Variants in CD247 observed in about 807,000 individuals in gnomAD.
CD247 encodes the protein T-cell surface glycoprotein CD3 zeta chain.
In CD247, 13 loss-of-function variants were observed where a neutral mutation model predicts 30.0. The observed-to-expected ratio is 0.43, with a 90% confidence interval of 0.28 to 0.69. The LOEUF (loss-of-function observed/expected upper bound fraction) is 0.69. Among genes scored for constraint, CD247 ranks in the 30% least tolerant of loss-of-function variants. The pLI is 0.16. For synonymous variants in CD247, 72 were observed against 80.0 expected, an observed-to-expected ratio of 0.90 and a Z score of 0.53; for missense variants, 193 against 212.6, an observed-to-expected ratio of 0.91 and a Z score of 0.57.
At chr1:167,441,429 G>C (rs980113395) in intron 1 of CD247, among the ~76,000 whole-genome samples, 27 of 152,100 alleles carry the variant, frequency 1.8e-4, no homozygotes, top group African/African-American at 6.5e-4. Flanking sequence ...CCTAGGCCCA[G>C]CATCTCCCTG....
At chr1:167,517,354 C>G (rs558641860) in intron 1 of CD247, among the ~76,000 whole-genome samples, 2 of 152,338 alleles carry the variant, frequency 1.3e-5, no homozygotes, top group East Asian at 3.9e-4. Context: ...CAGGAGCGAT[C>G]AGGTGGGCCG....
At chr1:167,458,278 C>G (rs1021947948) in intron 1 of CD247, among the ~76,000 whole-genome samples, 1 of 152,252 alleles carries the variant, frequency 6.6e-6, no homozygotes, top group Admixed American at 6.5e-5. Context: ...CTGCTGTCCC[C>G]ACGTGCCTAG....
chr1:167,502,405 TG>T (rs1230540835), intron 1 of CD247, among the ~76,000 whole-genome samples: 1 of 152,200 alleles, frequency 6.6e-6, no homozygotes, highest in Non-Finnish European at 1.5e-5. Context: ...GCAAGGGACT[TG>T]TTACACTGTG....
intron 1 of CD247, among the ~76,000 whole-genome samples, chr1:167,483,112 A>C (rs535006654): frequency 6.6e-6 from 1 of 151,632 alleles, no homozygotes; most frequent in Non-Finnish European, 1.5e-5. Context: ...GGGTTCAAGC[A>C]ATTCTCCTGC....
At chr1:167,472,986 G>T (rs1653593491) in intron 1 of CD247, among the ~76,000 whole-genome samples, 1 of 152,102 alleles carries the variant, frequency 6.6e-6, no homozygotes, top group Non-Finnish European at 1.5e-5. Flanking sequence ...CTGCCCACCT[G>T]CTCCTCTGGC....
chr1:167,463,847 G>A (rs1280650254), intron 1 of CD247, among the ~76,000 whole-genome samples: 1 of 152,184 alleles, frequency 6.6e-6, no homozygotes, highest in East Asian at 1.9e-4. Context: ...TTTTCTGTGA[G>A]TACCGTGTCC....
chr1:167,507,568 T>C (rs964448256), intron 1 of CD247, among the ~76,000 whole-genome samples: 3 of 152,198 alleles, frequency 2.0e-5, no homozygotes, highest in Admixed American at 6.5e-5. Flanking sequence ...GCGTGGTGGC[T>C]TATTCCTGTA....
At chr1:167,499,978 C>T (rs1463793783) in intron 1 of CD247, among the ~76,000 whole-genome samples, 1 of 152,214 alleles carries the variant, frequency 6.6e-6, no homozygotes, top group East Asian at 1.9e-4. Context: ...GACAATCACA[C>T]ACACAGAGGG....
chr1:167,431,809 C>A, intron 7 of CD247, 63 bp from the exon 8 acceptor site: 2 of 1,404,830 alleles, frequency 1.4e-6, no homozygotes, highest in Non-Finnish European at 2.0e-6. Flanking sequence ...CAGGAGCCAA[C>A]CCAGAGGCCA....
intron 1 of CD247, among the ~76,000 whole-genome samples, chr1:167,504,738 C>T (rs949579993): frequency 9.9e-5 from 15 of 152,140 alleles, no homozygotes; most frequent in African/African-American, 2.7e-4. Context: ...ATTAACGGGA[C>T]GCTAGGGCAG....
At chr1:167,433,337 C>A (rs1054587078) in intron 6 of CD247, among the ~76,000 whole-genome samples, 2 of 152,342 alleles carry the variant, frequency 1.3e-5, no homozygotes, top group African/African-American at 4.8e-5. Context: ...CCCGCAGGAC[C>A]TATATTGCCT....
intron 1 of CD247, among the ~76,000 whole-genome samples, chr1:167,441,375 GT>G (rs1651824032): frequency 6.6e-6 from 1 of 152,120 alleles, no homozygotes. Context: ...TCCCTGAAGG[GT>G]TTCATGGCCA....
chr1:167,431,839 A>G, intron 7 of CD247, 93 bp from the exon 8 acceptor site: 1 of 1,098,818 alleles, frequency 9.1e-7, no homozygotes, highest in Admixed American at 1.7e-5. Context: ...TCTGCAGCAC[A>G]GCCCTGTGAC....
chr1:167,512,091 A>C (rs1412226402), intron 1 of CD247, among the ~76,000 whole-genome samples: 5 of 152,176 alleles, frequency 3.3e-5, no homozygotes, highest in African/African-American at 1.2e-4. Context: ...AAATCAAAAC[A>C]GGCAAGCAAA....
At chr1:167,479,472 C>T (rs902266416) in intron 1 of CD247, among the ~76,000 whole-genome samples, 1 of 152,130 alleles carries the variant, frequency 6.6e-6, no homozygotes, top group African/African-American at 2.4e-5. Flanking sequence ...ACAATGGTGG[C>T]GATTACATGA....
At chr1:167,486,728 C>T (rs1440806379) in intron 1 of CD247, among the ~76,000 whole-genome samples, 1 of 152,186 alleles carries the variant, frequency 6.6e-6, no homozygotes, top group Non-Finnish European at 1.5e-5. Flanking sequence ...GAGCTCTGGC[C>T]ACTTATGCGG....
intron 1 of CD247, among the ~76,000 whole-genome samples, chr1:167,510,755 G>T (rs542181230): frequency 6.6e-6 from 1 of 152,156 alleles, no homozygotes; most frequent in African/African-American, 2.4e-5. Flanking sequence ...CAGCAAAAGA[G>T]GGGGGTAGGG....
At chr1:167,466,653 C>T (rs1477995573) in intron 1 of CD247, among the ~76,000 whole-genome samples, 3 of 152,260 alleles carry the variant, frequency 2.0e-5, no homozygotes, top group South Asian at 2.1e-4. Context: ...TTCATATGCA[C>T]ATATATACAT....
intron 1 of CD247, among the ~76,000 whole-genome samples, chr1:167,454,050 T>C (rs1266460232): frequency 6.6e-6 from 1 of 152,188 alleles, no homozygotes; most frequent in African/African-American, 2.4e-5. Flanking sequence ...TATATATACA[T>C]AAAAATATAT....
Sources: allele counts gnomAD v4.1 joint callset (sites outside exome capture counted in the v4.1 genomes callset), GRCh38; gene constraint gnomAD v4.1.1; transcripts MANE v1.5; gene names NCBI Gene and HGNC (gene_info 2026-07-23, HGNC 2026-07-21).